Variants in ARK2N observed in about 807,000 individuals in gnomAD.
The protein encoded by ARK2N is arkadia (RNF111) N-terminal like PKA signaling regulator 2N, also known as protein ARK2N.
the ARK2N span, among the ~76,000 whole-genome samples, chr18:46,236,834 TTTTTTTGTTG>T: frequency 1.4e-5 from 1 of 70,188 alleles, no homozygotes; most frequent in African/African-American, 3.5e-5. Context: ...GCTTCTGTTT[TTTTTTTGTTG>T]TTGTTGTTGT....
the ARK2N span, among the ~76,000 whole-genome samples, chr18:46,202,680 C>T: frequency 6.6e-6 from 1 of 151,148 alleles, no homozygotes; most frequent in South Asian, 2.1e-4. Flanking sequence ...CCCGGCTACT[C>T]AGAAGGCTGA....
the ARK2N span, among the ~76,000 whole-genome samples, chr18:46,212,040 G>A: frequency 1.3e-3 from 194 of 152,174 alleles, 1 homozygote; most frequent in African/African-American, 4.1e-3. Context: ...AGGGCACTTC[G>A]TTTTTATTCC....
the ARK2N span, among the ~76,000 whole-genome samples, chr18:46,207,840 TTACAG>T: frequency 1.3e-5 from 2 of 152,234 alleles, no homozygotes; most frequent in Non-Finnish European, 2.9e-5. Flanking sequence ...AGCTCATTCT[TTACAG>T]TACCCTGATT....
At chr18:46,211,264 A>G in the ARK2N span, among the ~76,000 whole-genome samples, 1 of 152,050 alleles carries the variant, frequency 6.6e-6, no homozygotes, top group Non-Finnish European at 1.5e-5. Context: ...CCTGGAACGT[A>G]CTGTTGCAAA....
At chr18:46,241,083 T>A in the ARK2N span, among the ~76,000 whole-genome samples, 1 of 152,250 alleles carries the variant, frequency 6.6e-6, no homozygotes, top group Non-Finnish European at 1.5e-5. Flanking sequence ...AAGTTATTTT[T>A]ATGAAAAATG....
the ARK2N span, among the ~76,000 whole-genome samples, chr18:46,225,173 G>C: frequency 6.6e-6 from 1 of 152,184 alleles, no homozygotes; most frequent in African/African-American, 2.4e-5. Context: ...CAACTAGTTG[G>C]CCAAAGAATT....
chr18:46,186,380 G>A, the ARK2N span, among the ~76,000 whole-genome samples: 2 of 151,692 alleles, frequency 1.3e-5, no homozygotes, highest in Non-Finnish European at 2.9e-5. Context: ...ATTTTTAGTA[G>A]AGATTGGGTT....
At chr18:46,206,480 TCTGTGATGAAAA>T in the ARK2N span, among the ~76,000 whole-genome samples, 1 of 152,190 alleles carries the variant, frequency 6.6e-6, no homozygotes, top group Non-Finnish European at 1.5e-5. Context: ...ACTTCCCTGA[TCTGTGATGAAAA>T]CTTGTCTCCT....
At chr18:46,242,686 T>C in the ARK2N span, among the ~76,000 whole-genome samples, 1 of 152,222 alleles carries the variant, frequency 6.6e-6, no homozygotes, top group African/African-American at 2.4e-5. Flanking sequence ...ATAAGCATGT[T>C]TTTAAAACTA....
chr18:46,190,672 A>C, the ARK2N span, among the ~76,000 whole-genome samples: 1 of 84,352 alleles, frequency 1.2e-5, no homozygotes, highest in African/African-American at 3.1e-5. Flanking sequence ...TTGAGATCTC[A>C]GCTAATTCAT....
chr18:46,258,025 C>G, the ARK2N span, among the ~76,000 whole-genome samples: 1 of 151,718 alleles, frequency 6.6e-6, no homozygotes, highest in Admixed American at 6.6e-5. Context: ...CTCCTGGGTT[C>G]AAGCAATTCT....
chr18:46,197,903 T>C, the ARK2N span, among the ~76,000 whole-genome samples: 1 of 152,176 alleles, frequency 6.6e-6, no homozygotes. Flanking sequence ...TGTATGCCGT[T>C]ATGGGTATTT....
the ARK2N span, chr18:46,239,966 A>G: frequency 6.3e-7 from 1 of 1,587,630 alleles, no homozygotes; most frequent in Non-Finnish European, 8.6e-7. Flanking sequence ...TTTTCACCCC[A>G]CACGTTAGAT....
the ARK2N span, among the ~76,000 whole-genome samples, chr18:46,241,355 T>G: frequency 1.3e-5 from 2 of 152,344 alleles, no homozygotes; most frequent in Admixed American, 6.5e-5. Context: ...TTTATATGTA[T>G]AAATCCTTGT....
chr18:46,241,235 T>C, the ARK2N span, among the ~76,000 whole-genome samples: 1 of 152,216 alleles, frequency 6.6e-6, no homozygotes, highest in African/African-American at 2.4e-5. Flanking sequence ...CCTGATTGAT[T>C]TACTGTAGCT....
At chr18:46,174,540 A>T in the ARK2N span, among the ~76,000 whole-genome samples, 2 of 151,622 alleles carry the variant, frequency 1.3e-5, no homozygotes, top group South Asian at 2.1e-4. Flanking sequence ...GGGGCATCGC[A>T]CCTCTCCGAC....
the ARK2N span, among the ~76,000 whole-genome samples, chr18:46,187,541 C>T: frequency 6.6e-6 from 1 of 151,992 alleles, no homozygotes; most frequent in South Asian, 2.1e-4. Context: ...AGGGTTTCAC[C>T]ATGCTGGTCA....
At chr18:46,181,337 C>T in the ARK2N span, among the ~76,000 whole-genome samples, 1 of 152,148 alleles carries the variant, frequency 6.6e-6, no homozygotes, top group East Asian at 1.9e-4. Flanking sequence ...AATTCAAGTT[C>T]ATGTATTAAG....
chr18:46,227,851 G>A, the ARK2N span, among the ~76,000 whole-genome samples: 1 of 152,244 alleles, frequency 6.6e-6, no homozygotes, highest in Admixed American at 6.5e-5. Context: ...GCCTGCCTCA[G>A]CCTCCCAAAG....
Sources: gnomAD v4.1 joint callset for allele counts (sites outside exome capture counted in the v4.1 genomes callset) on GRCh38, gnomAD v4.1.1 for gene constraint, MANE v1.5 for transcripts, NCBI Gene and HGNC (gene_info 2026-07-23, HGNC 2026-07-21) for gene names.